The following MARK1 variants were observed in gnomAD, a reference collection of about 807,000 sequenced individuals.
MARK1 encodes microtubule affinity regulating kinase 1, also known as serine/threonine-protein kinase MARK1.
A neutral mutation model predicts 96.3 loss-of-function variants in MARK1; 40 were observed. The ratio of observed to expected loss-of-function variants is 0.42; its 90% CI spans 0.32 to 0.54. The LOEUF is 0.54. Among genes scored for constraint, MARK1 ranks in the 20% least tolerant of loss-of-function variants. MARK1 has a pLI of 0.16. For synonymous variants in MARK1, 317 were observed against 341.2 expected, an observed-to-expected ratio of 0.93 and a Z score of 0.78; for missense variants, 719 against 984.6, an observed-to-expected ratio of 0.73 and a Z score of 3.61.
At chr1:220,592,113 A>T (rs2102881477) in intron 3 of MARK1, among the ~76,000 whole-genome samples, 1 of 151,872 alleles carries the variant, frequency 6.6e-6, no homozygotes, top group East Asian at 1.9e-4. Flanking sequence ...TCTGATGTTC[A>T]CACTTTTGCA....
intron 3 of MARK1, among the ~76,000 whole-genome samples, chr1:220,586,175 A>G (rs1222121505): frequency 6.6e-6 from 1 of 152,174 alleles, no homozygotes; most frequent in Non-Finnish European, 1.5e-5. Context: ...CATGGTATAA[A>G]GGTCCTCACT....
intron 10 of MARK1, 143 bp from the exon 11 acceptor site, chr1:220,632,058 A>T: frequency 2.1e-6 from 1 of 482,924 alleles, no homozygotes; most frequent in Non-Finnish European, 3.7e-6. Flanking sequence ...CCGTAGGTTA[A>T]TAGTCCAGAA....
intron 3 of MARK1, among the ~76,000 whole-genome samples, chr1:220,596,173 T>C (rs1340061020): frequency 6.6e-5 from 10 of 151,628 alleles, no homozygotes; most frequent in Non-Finnish European, 1.5e-4. Context: ...ACATGTAGAG[T>C]GAGAAGATAA....
At chr1:220,630,277 C>T (rs1449642063) in intron 9 of MARK1, among the ~76,000 whole-genome samples, 1 of 152,140 alleles carries the variant, frequency 6.6e-6, no homozygotes, top group East Asian at 1.9e-4. Flanking sequence ...AATTACTTTG[C>T]CCATTTTTTA....
intron 3 of MARK1, among the ~76,000 whole-genome samples, chr1:220,589,927 ACT>A (rs1258963210): frequency 1.3e-5 from 2 of 152,168 alleles, no homozygotes; most frequent in Non-Finnish European, 2.9e-5. Context: ...TTAAAGAATA[ACT>A]CTGTTTCAAA....
At chr1:220,554,064 C>T (rs911105408) in intron 1 of MARK1, among the ~76,000 whole-genome samples, 1 of 152,194 alleles carries the variant, frequency 6.6e-6, no homozygotes. Context: ...GGCCCAGATG[C>T]AGCAATTTCT....
At chr1:220,552,526 G>A (rs1205477341) in intron 1 of MARK1, among the ~76,000 whole-genome samples, 3 of 152,094 alleles carry the variant, frequency 2.0e-5, no homozygotes, top group Non-Finnish European at 2.9e-5. Flanking sequence ...AGTATTGGGG[G>A]AATATAGTGA....
chr1:220,600,857 C>A (rs1375091735), intron 5 of MARK1, among the ~76,000 whole-genome samples: 1 of 151,060 alleles, frequency 6.6e-6, no homozygotes, highest in African/African-American at 2.4e-5. Context: ...AGCAACTAAA[C>A]TATATTTATA....
chr1:220,547,573 T>C (rs910633720), intron 1 of MARK1, among the ~76,000 whole-genome samples: 3 of 149,342 alleles, frequency 2.0e-5, no homozygotes, highest in African/African-American at 7.3e-5. Context: ...TGTGATTTTC[T>C]TTTTTTTTTG....
At position 220,545,757 on chromosome 1, in the gene MARK1, C is replaced by T. The variant is rs546351847; in HGVS notation, c.51+16884C>T. On this transcript the variant is annotated intron_variant, in intron 1 of 17. Coordinates refer to ENST00000366917, the MANE Select transcript of MARK1 (RefSeq NM_018650.5). ...ACCCAGCCTGAAAGCGCTTTTAATA[C>T]AGTATTTATATACACTTTATCTGGC... Among the ~76,000 whole-genome samples the T allele has an allele frequency of 9.5e-4, 145 of 152,154 alleles. 1 individual carries two copies. The highest frequency in any genetic ancestry group is 7.3e-3 in the South Asian group (35 of 4,818).
At chr1:220,552,336 A>G (rs1192432974) in intron 1 of MARK1, among the ~76,000 whole-genome samples, 6 of 152,168 alleles carry the variant, frequency 3.9e-5, no homozygotes, top group Non-Finnish European at 7.3e-5. Context: ...TCCCATTTCT[A>G]TTTATTGATT....
At chr1:220,616,762 C>T (rs1383105798) in intron 7 of MARK1, among the ~76,000 whole-genome samples, 1 of 152,122 alleles carries the variant, frequency 6.6e-6, no homozygotes, top group Non-Finnish European at 1.5e-5. Context: ...CCAAATTTTT[C>T]TATTTCTTGG....
At chr1:220,647,943 T>C (rs781435171) in intron 13 of MARK1, among the ~76,000 whole-genome samples, 77 of 152,140 alleles carry the variant, frequency 5.1e-4, no homozygotes, top group Non-Finnish European at 8.8e-4. Flanking sequence ...TATTGCATGC[T>C]GGGCTTAATA....
Position 220,537,870 on chromosome 1 carries a change from C to T in MARK1, c.51+8997C>T, listed in dbSNP as rs1660830347. Among the ~76,000 whole-genome samples, 3 of 151,850 alleles carry T rather than the reference C, an allele frequency of 2.0e-5. No homozygotes were observed. In the South Asian group the frequency reaches 6.2e-4, roughly 32 times the overall value. ...GAGCATTTTTTCATGTGTCTTTTGG[C>T]TGCATAAATGTCTTCTTTTGAGAAG... On this transcript the variant is annotated intron_variant, in intron 1 of 17. Transcript: ENST00000366917.
chr1:220,586,011 A>ACACACGCACG (rs112968910), intron 3 of MARK1, among the ~76,000 whole-genome samples: 9 of 148,534 alleles, frequency 6.1e-5, no homozygotes, highest in East Asian at 2.0e-4. Flanking sequence ...ACACACACAC[A>ACACACGCACG]CGCGCGCGTG....
intron 1 of MARK1, among the ~76,000 whole-genome samples, chr1:220,572,721 C>A (rs1162915619): frequency 1.3e-5 from 2 of 152,128 alleles, no homozygotes; most frequent in African/African-American, 4.8e-5. Flanking sequence ...AAAATGTGTA[C>A]TGTTTTGTAT....
chr1:220,600,159 C>A (rs1665645664), intron 5 of MARK1, among the ~76,000 whole-genome samples: 1 of 152,026 alleles, frequency 6.6e-6, no homozygotes, highest in South Asian at 2.1e-4. Context: ...TTTACTATAT[C>A]ATATCATGAT....
At chr1:220,564,001 C>T (rs895594183) in intron 1 of MARK1, among the ~76,000 whole-genome samples, 4 of 151,918 alleles carry the variant, frequency 2.6e-5, no homozygotes, top group Non-Finnish European at 2.9e-5. Flanking sequence ...TCAGTACTTC[C>T]GTTAGAGGAT....
chr1:220,557,883 A>G (rs1457625398), intron 1 of MARK1, among the ~76,000 whole-genome samples: 2 of 151,950 alleles, frequency 1.3e-5, no homozygotes, highest in African/African-American at 4.8e-5. Flanking sequence ...TAATCCCAGA[A>G]CTTTGGGAAG....
Sources: allele counts gnomAD v4.1 joint callset (sites outside exome capture counted in the v4.1 genomes callset), GRCh38; gene constraint gnomAD v4.1.1; transcripts MANE v1.5; gene names NCBI Gene and HGNC (gene_info 2026-07-23, HGNC 2026-07-21).